PCDH7: variants seen among roughly 807,000 people sequenced by gnomAD.
PCDH7 encodes protocadherin-7.
A neutral mutation model predicts 58.9 loss-of-function variants in PCDH7; 17 were observed. That is an observed-to-expected ratio of 0.29 (90% confidence interval 0.20 to 0.43). The LOEUF (loss-of-function observed/expected upper bound fraction) is 0.43, where lower values mean the gene tolerates loss of function less well. PCDH7 is among the 20% of genes least tolerant of loss of function. The pLI, the probability that PCDH7 is intolerant of heterozygous loss-of-function variation, is 1.00. For synonymous variants in PCDH7, 664 were observed against 616.4 expected, an observed-to-expected ratio of 1.08 and a Z score of -1.14; for missense variants, 1,274 against 1,441.0, an observed-to-expected ratio of 0.88 and a Z score of 1.88.
chr4:30,990,223 A>T (rs1216550405), intron 3 of PCDH7, among the ~76,000 whole-genome samples: 4 of 152,162 alleles, frequency 2.6e-5, no homozygotes, highest in South Asian at 4.1e-4. Flanking sequence ...AAAAACATGC[A>T]ATGATAGCCT....
At chr4:30,945,054 G>A (rs1230602256) in intron 2 of PCDH7, among the ~76,000 whole-genome samples, 2 of 151,904 alleles carry the variant, frequency 1.3e-5, no homozygotes, top group Admixed American at 1.3e-4. Context: ...ATATATCTCA[G>A]CTCCAGTTAT....
At chr4:31,124,029 G>T (rs1012291962) in intron 3 of PCDH7, among the ~76,000 whole-genome samples, 2 of 152,086 alleles carry the variant, frequency 1.3e-5, no homozygotes, top group Admixed American at 1.3e-4. Context: ...TGCCAGTGGA[G>T]CTTGGGGTTT....
intron 3 of PCDH7, among the ~76,000 whole-genome samples, chr4:31,097,261 AG>A (rs1403445251): frequency 2.0e-5 from 3 of 152,022 alleles, no homozygotes; most frequent in African/African-American, 7.2e-5. Context: ...GTTCGAGACC[AG>A]GCTGGCCAAC....
Position 30,721,475 on chromosome 4 carries a change from GCCT to G in PCDH7, c.60_62del (p.Leu21del). On this transcript the variant is annotated inframe_deletion, in exon 1 of 2. Transcript: ENST00000361762. This position sits in a 1 kb window ranked among gnomAD's most constrained non-coding sequence, Gnocchi z 6.7. Reference sequence around the variant, plus strand: ...GCGCGCGGCTGGTGCTTGGGCTGCTGCCTCCTCCTGCCGCTCTCGCTCAGCCTG... The same window carrying G: ...GCGCGCGGCTGGTGCTTGGGCTGCTGCCTCCTGCCGCTCTCGCTCAGCCTG... 1 of 1,582,480 alleles carries G rather than the reference GCCT, an allele frequency of 6.3e-7. No homozygotes were observed. The highest frequency in any genetic ancestry group is 8.5e-7 in the Non-Finnish European group (1 of 1,169,946).
At chr4:30,785,423 C>T (rs558755009) in intron 1 of PCDH7, among the ~76,000 whole-genome samples, 159 of 151,968 alleles carry the variant, frequency 1.0e-3, no homozygotes, top group Admixed American at 2.7e-3. Context: ...ATGTGTTTTG[C>T]TTTATGTAAG....
At chr4:31,034,299 G>A (rs960647518) in intron 3 of PCDH7, among the ~76,000 whole-genome samples, 1 of 151,994 alleles carries the variant, frequency 6.6e-6, no homozygotes, top group African/African-American at 2.4e-5. Flanking sequence ...TCTCTTTATA[G>A]AAAATTACCT....
chr4:30,744,446 A>G (rs932428574), intron 1 of PCDH7, among the ~76,000 whole-genome samples: 1 of 152,210 alleles, frequency 6.6e-6, no homozygotes, highest in African/African-American at 2.4e-5. Flanking sequence ...TACATGTCCA[A>G]TGGGTGTTGT....
intron 1 of PCDH7, among the ~76,000 whole-genome samples, chr4:30,787,735 T>C (rs957355562): frequency 6.6e-6 from 1 of 152,022 alleles, no homozygotes; most frequent in Non-Finnish European, 1.5e-5. Context: ...CTGTATAAAG[T>C]CTAATTTTTG....
chr4:30,877,477 C>G (rs532518321), intron 1 of PCDH7, among the ~76,000 whole-genome samples: 2 of 152,120 alleles, frequency 1.3e-5, no homozygotes, highest in African/African-American at 4.8e-5. Context: ...GGCAACCGTG[C>G]TTTTGTGTAA....
intron 1 of PCDH7, among the ~76,000 whole-genome samples, chr4:30,754,150 T>C (rs1459776812): frequency 6.8e-6 from 1 of 147,686 alleles, no homozygotes; most frequent in Non-Finnish European, 1.5e-5. Flanking sequence ...CAAGATTTGC[T>C]GCAAACACTA....
At chr4:31,005,470 G>A (rs1183627125) in intron 3 of PCDH7, among the ~76,000 whole-genome samples, 1 of 152,164 alleles carries the variant, frequency 6.6e-6, no homozygotes, top group Non-Finnish European at 1.5e-5. Flanking sequence ...CAGCTGGAAA[G>A]GGAGAAACCA....
intron 1 of PCDH7, among the ~76,000 whole-genome samples, chr4:30,757,951 AG>A (rs1476586427): frequency 3.9e-5 from 6 of 152,214 alleles, no homozygotes; most frequent in Non-Finnish European, 8.8e-5. Context: ...AGGACGGGAA[AG>A]AACAGCCTTG....
At chr4:30,821,160 C>G (rs559553161) in intron 1 of PCDH7, among the ~76,000 whole-genome samples, 57 of 152,246 alleles carry the variant, frequency 3.7e-4, no homozygotes, top group Non-Finnish European at 6.3e-4. Context: ...CACTCTCTGC[C>G]TCCTTGTAAC....
At chr4:30,886,615 A>G (rs186836276) in intron 1 of PCDH7, among the ~76,000 whole-genome samples, 34,990 of 148,868 alleles carry the variant, frequency 0.24, 4,197 homozygotes, top group Middle Eastern at 0.25. Context: ...CAGCCATCCC[A>G]TTACTGGGTA....
At chr4:30,932,882 A>G (rs1462139872) in intron 2 of PCDH7, among the ~76,000 whole-genome samples, 1 of 152,198 alleles carries the variant, frequency 6.6e-6, no homozygotes, top group Non-Finnish European at 1.5e-5. Flanking sequence ...GAACAGGAGA[A>G]TATCCCATTC....
intron 3 of PCDH7, among the ~76,000 whole-genome samples, chr4:31,068,746 T>G (rs1019212069): frequency 1.3e-5 from 2 of 152,012 alleles, no homozygotes; most frequent in East Asian, 3.9e-4. Context: ...AAGGAGGCTG[T>G]GTCTGTTGAA....
intron 3 of PCDH7, among the ~76,000 whole-genome samples, chr4:31,136,104 C>T (rs1219562771): frequency 1.3e-5 from 2 of 152,174 alleles, no homozygotes; most frequent in South Asian, 4.1e-4. Context: ...GAATGTGAAT[C>T]TAGATCACCT....
At chr4:30,911,331 C>T (rs866637219) in intron 1 of PCDH7, among the ~76,000 whole-genome samples, 6 of 94,080 alleles carry the variant, frequency 6.4e-5, no homozygotes, top group African/African-American at 2.8e-4. Context: ...CCCCCCCCCC[C>T]AAAAAAAAGA....
intron 1 of PCDH7, among the ~76,000 whole-genome samples, chr4:30,779,872 C>A (rs1016550053): frequency 1.2e-4 from 18 of 152,120 alleles, no homozygotes; most frequent in Admixed American, 1.2e-3. Flanking sequence ...TTAAGGACAG[C>A]CAAACTTGCT....
Sources: allele counts gnomAD v4.1 joint callset (sites outside exome capture counted in the v4.1 genomes callset), GRCh38; gene constraint gnomAD v4.1.1; non-coding constraint Gnocchi (gnomAD v3.1); transcripts MANE v1.5; gene names NCBI Gene and HGNC (gene_info 2026-07-23, HGNC 2026-07-21).